FAM228B: variants seen among roughly 807,000 people sequenced by gnomAD.
The protein encoded by FAM228B is protein FAM228B.
FAM228B carries 38 observed loss-of-function variants against 42.6 expected under a neutral mutation model. That is an observed-to-expected ratio of 0.89 (90% confidence interval 0.69 to 1.17). FAM228B has a LOEUF of 1.17. FAM228B is among the 50% of genes most tolerant of loss of function. The probability of loss-of-function intolerance (pLI) is 0.00; values close to 1 mark genes in which losing one functional copy is unlikely to be tolerated. For missense variants in FAM228B, 344 were observed against 367.3 expected (o/e 0.94, Z 0.52); for synonymous variants, 109 against 122.3 (o/e 0.89, Z 0.72).
intron 2 of FAM228B, among the ~76,000 whole-genome samples, chr2:24,131,133 G>T (rs2151015840): frequency 6.6e-6 from 1 of 152,280 alleles, no homozygotes; most frequent in African/African-American, 2.4e-5. Context: ...AGATCAGATG[G>T]TTGTAAATGT....
intron 3 of FAM228B, among the ~76,000 whole-genome samples, chr2:24,107,162 A>C (rs1256776681): frequency 6.6e-6 from 1 of 152,220 alleles, no homozygotes; most frequent in Non-Finnish European, 1.5e-5. Context: ...TTAACCTAAC[A>C]AAGATAAAAA....
chr2:24,092,924 G>GCGCACA (rs780530789), intron 2 of FAM228B, among the ~76,000 whole-genome samples: 3 of 133,438 alleles, frequency 2.2e-5, no homozygotes, highest in Admixed American at 7.7e-5. Flanking sequence ...ATGATTTTAT[G>GCGCACA]CACACACACA....
At chr2:24,156,493 G>A (rs1558393865) in intron 7 of FAM228B, among the ~76,000 whole-genome samples, 2 of 152,094 alleles carry the variant, frequency 1.3e-5, no homozygotes, top group Non-Finnish European at 2.9e-5. Flanking sequence ...AATCAGCCAG[G>A]CATGGTGGCA....
chr2:24,147,949 T>C (rs955705292), intron 7 of FAM228B, among the ~76,000 whole-genome samples: 4 of 152,088 alleles, frequency 2.6e-5, no homozygotes, highest in Admixed American at 6.5e-5. Context: ...CTTGTAATTT[T>C]TTATTGAATG....
At chr2:24,123,712 C>T (rs1353519614) in intron 1 of FAM228B, among the ~76,000 whole-genome samples, 179 bp downstream of exon 1, 3 of 151,506 alleles carry the variant, frequency 2.0e-5, no homozygotes, top group South Asian at 4.1e-4. Context: ...CCAGGCCGGG[C>T]GGTCCCCGCG....
At chr2:24,165,532 T>A (rs1667383853) in intron 9 of FAM228B, 1 of 466,242 alleles carries the variant, frequency 2.1e-6, no homozygotes, top group Non-Finnish European at 4.4e-6. Flanking sequence ...TGCTGTTGTC[T>A]CTGCAGCCCC....
intron 3 of FAM228B, among the ~76,000 whole-genome samples, chr2:24,104,384 C>T (rs569440689): frequency 2.0e-5 from 3 of 152,352 alleles, no homozygotes; most frequent in South Asian, 2.1e-4. Context: ...GACCAGCCAG[C>T]GCCGAAGCCC....
At chr2:24,156,196 C>T (rs942518082) in intron 7 of FAM228B, among the ~76,000 whole-genome samples, 9 of 152,178 alleles carry the variant, frequency 5.9e-5, no homozygotes, top group African/African-American at 1.9e-4. Context: ...GTGAGCGAGT[C>T]GTGCTTGTCA....
intron 3 of FAM228B, chr2:24,097,199 A>G (rs1277929859): frequency 6.6e-6 from 1 of 152,192 alleles, no homozygotes; most frequent in Non-Finnish European, 1.5e-5. Flanking sequence ...CATCGATGCT[A>G]TGAAGAAACT....
chr2:24,108,097 C>T (rs971002433), intron 3 of FAM228B, among the ~76,000 whole-genome samples: 5 of 152,122 alleles, frequency 3.3e-5, no homozygotes, highest in African/African-American at 1.2e-4. Context: ...GAGGAGGTTA[C>T]CACTGGCCCC....
intron 2 of FAM228B, among the ~76,000 whole-genome samples, chr2:24,089,978 A>AG (rs906278352): frequency 6.7e-6 from 1 of 149,388 alleles, no homozygotes; most frequent in African/African-American, 2.5e-5. Context: ...AAAAAAAAGA[A>AG]AAAAAAAAAA....
At chr2:24,131,509 A>G (rs1449589842) in intron 2 of FAM228B, among the ~76,000 whole-genome samples, 1 of 152,158 alleles carries the variant, frequency 6.6e-6, no homozygotes, top group Non-Finnish European at 1.5e-5. Context: ...TTCCTTGAGC[A>G]GTGGTTTGTA....
chr2:24,137,396 C>G (rs1417514228), intron 3 of FAM228B, among the ~76,000 whole-genome samples: 1 of 152,138 alleles, frequency 6.6e-6, no homozygotes, highest in Non-Finnish European at 1.5e-5. Context: ...TTTTTCTCTC[C>G]TCTGTCTTCA....
intron 7 of FAM228B, among the ~76,000 whole-genome samples, chr2:24,157,737 C>G (rs1270044979): frequency 6.9e-6 from 1 of 145,698 alleles, no homozygotes; most frequent in African/African-American, 2.6e-5. Context: ...GACTCTGTCT[C>G]AAAAAAAAAA....
Position 24,081,246 on chromosome 2 carries a change from A to T in FAM228B, c.-210+291A>T, listed in dbSNP as rs1024938778. Among the ~76,000 whole-genome samples, 5 of 152,348 alleles carry T rather than the reference A, an allele frequency of 3.3e-5. No individual in the cohort carries two copies. The East Asian group carries it at 9.6e-4, about 29-fold the overall frequency. On this transcript the variant is annotated intron_variant, in intron 2 of 10. Coordinates refer to the FAM228B transcript ENST00000613899. ...TGTTCTTTGGAGAAAGAAAAAGAGC[A>T]TATTGACGACCTTTTCTGTCTTATT...
At chr2:24,114,203 C>T (rs1665847959) in intron 3 of FAM228B, among the ~76,000 whole-genome samples, 1 of 152,134 alleles carries the variant, frequency 6.6e-6, no homozygotes, top group Admixed American at 6.5e-5. Flanking sequence ...TTTTACTTGA[C>T]TTACAAAGGC....
In FAM228B at chr2:24,146,995, C is replaced by T; in HGVS notation, c.595C>T (p.Gln199Ter). 1.9e-6 allele frequency: 3 copies of T among 1,551,304 alleles called. No homozygotes were observed. Among genetic ancestry groups the T allele is most frequent in the Non-Finnish European group, 2.6e-6 (3 of 1,146,732 alleles). ...EKVQLHSRFP[Q>*]ISNSRHFITP... Reference sequence around the variant, plus strand: ...GGTTCAGCTGCATTCCAGATTCCCACAAATTTCTAATTCAAGGCACTTTAT... The same window carrying T: ...GGTTCAGCTGCATTCCAGATTCCCATAAATTTCTAATTCAAGGCACTTTAT... Residue 199 changes from glutamine to a stop codon, truncating the protein, a stop_gained, in exon 7 of 11, where the codon CAA becomes TAA. Coordinates refer to ENST00000615575, the MANE Select transcript of FAM228B (RefSeq NM_001145710.2). LOFTEE classifies it high-confidence loss of function.
At chr2:24,149,493 G>A (rs564214997) in intron 7 of FAM228B, among the ~76,000 whole-genome samples, 3 of 151,370 alleles carry the variant, frequency 2.0e-5, no homozygotes, top group East Asian at 1.9e-4. Flanking sequence ...TTGCTTTATC[G>A]CCCAGGTCAG....
intron 3 of FAM228B, chr2:24,115,324 C>T: frequency 2.2e-6 from 1 of 452,210 alleles, no homozygotes; most frequent in Non-Finnish European, 4.0e-6. Context: ...AGAAAGGAGC[C>T]TCCCAATAGA....
Sources: allele counts gnomAD v4.1 joint callset (sites outside exome capture counted in the v4.1 genomes callset), GRCh38; gene constraint gnomAD v4.1.1; transcripts MANE v1.5; gene names NCBI Gene and HGNC (gene_info 2026-07-23, HGNC 2026-07-21).